The following SLC2A9 variants were observed in gnomAD, a reference collection of about 807,000 sequenced individuals.
SLC2A9 encodes solute carrier family 2, facilitated glucose transporter member 9.
SLC2A9 carries 39 observed loss-of-function variants against 50.6 expected under a neutral mutation model. The ratio of observed to expected loss-of-function variants is 0.77; its 90% CI spans 0.60 to 1.01. The LOEUF is 1.01. Among genes scored for constraint, SLC2A9 ranks in the 50% least tolerant of loss-of-function variants. The probability of loss-of-function intolerance (pLI) is 0.00; values close to 1 mark genes in which losing one functional copy is unlikely to be tolerated. For synonymous variants in SLC2A9, 324 were observed against 276.9 expected (o/e 1.17, Z -1.69); for missense variants, 686 against 677.6 (o/e 1.01, Z -0.14).
intron 10 of SLC2A9, among the ~76,000 whole-genome samples, chr4:9,842,184 G>A (rs1160776361): frequency 1.3e-5 from 2 of 152,070 alleles, no homozygotes; most frequent in African/African-American, 2.4e-5. Context: ...GCAGGAGGAA[G>A]GTTCTGTAAC....
intron 2 of SLC2A9, among the ~76,000 whole-genome samples, chr4:10,000,779 C>T (rs906863596): frequency 6.6e-6 from 1 of 152,154 alleles, no homozygotes; most frequent in Non-Finnish European, 1.5e-5. Flanking sequence ...GAATGGGACC[C>T]ATCAGCCTGT....
downstream of SLC2A9, chr4:9,771,114 GT>G (rs1716763754): frequency 5.7e-6 from 1 of 176,116 alleles, no homozygotes; most frequent in South Asian, 2.0e-4. Context: ...AATCTGGATG[GT>G]TTGTGGATAT....
chr4:10,039,144 A>G (rs1435184846), intron 1 of SLC2A9, among the ~76,000 whole-genome samples: 2 of 152,254 alleles, frequency 1.3e-5, no homozygotes, highest in Non-Finnish European at 2.9e-5. Context: ...CTCCGACTTC[A>G]TGCTTGTTGC....
intron 10 of SLC2A9, among the ~76,000 whole-genome samples, chr4:9,853,935 G>A (rs576577808): frequency 6.6e-6 from 1 of 152,014 alleles, no homozygotes; most frequent in African/African-American, 2.4e-5. Flanking sequence ...TAAAGAAATT[G>A]ATTGAAATTA....
At chr4:9,968,941 T>C (rs762859437) in intron 5 of SLC2A9, among the ~76,000 whole-genome samples, 24 of 152,184 alleles carry the variant, frequency 1.6e-4, no homozygotes, top group Non-Finnish European at 2.8e-4. Flanking sequence ...ATTATCACTC[T>C]AATTAAATAA....
chr4:9,841,928 G>A lies in SLC2A9; in HGVS notation c.1292-6920C>T, dbSNP rs73804738. On this transcript the variant is annotated intron_variant, in intron 10 of 11. Coordinates refer to ENST00000264784, the MANE Select transcript of SLC2A9 (RefSeq NM_020041.3). ...CACTCTGTCTCCCCCATAAAATCAA[G>A]GTGGTAGCAAGAGTTCTTAGGGTTC... Among the ~76,000 whole-genome samples, 583 of 152,248 alleles carry A rather than the reference G, an allele frequency of 3.8e-3. 7 individuals carry two copies. Among genetic ancestry groups the A allele is most frequent in the African/African-American group, 0.014 (567 of 41,538 alleles).
downstream of SLC2A9, among the ~76,000 whole-genome samples, chr4:9,777,072 TATTTATAGC>T (rs1325682539): frequency 2.6e-5 from 4 of 152,244 alleles, no homozygotes; most frequent in Non-Finnish European, 4.4e-5. Context: ...TGTTTGATTT[TATTTATAGC>T]ATTTAGCACT....
intron 3 of SLC2A9, among the ~76,000 whole-genome samples, chr4:9,803,480 C>A (rs1001205666): frequency 2.0e-5 from 3 of 152,186 alleles, no homozygotes; most frequent in African/African-American, 4.8e-5. Context: ...GCTCAAAGAA[C>A]TTATGTCACT....
intron 11 of SLC2A9, among the ~76,000 whole-genome samples, chr4:9,832,919 C>T (rs1415033088): frequency 1.3e-5 from 2 of 152,008 alleles, no homozygotes; most frequent in Admixed American, 1.3e-4. Context: ...CTTTCACACC[C>T]CACACCCCTG....
chr4:9,829,785 G>C (rs759023382), intron 11 of SLC2A9, among the ~76,000 whole-genome samples: 5 of 152,166 alleles, frequency 3.3e-5, no homozygotes, highest in Non-Finnish European at 7.3e-5. Flanking sequence ...CTGATCATTA[G>C]AGAAAGGCAA....
At chr4:9,910,829 G>T (rs937118531) in intron 7 of SLC2A9, among the ~76,000 whole-genome samples, 1 of 152,190 alleles carries the variant, frequency 6.6e-6, no homozygotes, top group Non-Finnish European at 1.5e-5. Flanking sequence ...TTCAGTGAGG[G>T]ACAGTTATAA....
intron 2 of SLC2A9, among the ~76,000 whole-genome samples, chr4:9,999,467 C>T (rs1431519631): frequency 6.6e-6 from 1 of 151,932 alleles, no homozygotes; most frequent in African/African-American, 2.4e-5. Context: ...ATACATGCTG[C>T]CATTTAACAT....
intron 2 of SLC2A9, among the ~76,000 whole-genome samples, chr4:9,997,695 G>A (rs746680038): frequency 6.6e-6 from 1 of 151,068 alleles, no homozygotes; most frequent in Non-Finnish European, 1.5e-5. Context: ...GTGACACCCT[G>A]TCTCAAAAGA....
At chr4:9,940,374 GA>G (rs1229681284) in intron 6 of SLC2A9, among the ~76,000 whole-genome samples, 1 of 152,200 alleles carries the variant, frequency 6.6e-6, no homozygotes, top group Non-Finnish European at 1.5e-5. Context: ...CTCTGTGCAC[GA>G]GGGGTGTTGG....
At position 9,850,672 on chromosome 4, in the gene SLC2A9, C is replaced by A. The variant is rs369673046; in HGVS notation, c.1292-15664G>T. ...CAGCTCACCCACAGCCTCCCCTCACCGCAGCCTCCCTTCACTGGTGCACAC... is the reference window on the plus strand; with the variant it reads ...CAGCTCACCCACAGCCTCCCCTCACAGCAGCCTCCCTTCACTGGTGCACAC... On this transcript the variant is annotated intron_variant, in intron 10 of 11. Transcript: ENST00000264784. 5.3e-5 allele frequency among the ~76,000 whole-genome samples: 8 copies of A among 152,254 alleles called. No individual in the cohort carries two copies. In the East Asian group the frequency reaches 9.7e-4, roughly 18 times the overall value.
chr4:9,927,081 G>T (rs970724490), intron 6 of SLC2A9, among the ~76,000 whole-genome samples: 2 of 148,200 alleles, frequency 1.3e-5, no homozygotes, highest in African/African-American at 5.0e-5. Context: ...CCAGACTGCA[G>T]TTCAGTGATG....
At chr4:9,995,705 C>G (rs1387999775) in intron 3 of SLC2A9, 6 of 152,228 alleles carry the variant, frequency 3.9e-5, no homozygotes, top group Admixed American at 3.9e-4. Context: ...TATTCAGCTA[C>G]AACTCATGGC....
intron 5 of SLC2A9, among the ~76,000 whole-genome samples, chr4:9,948,433 C>G (rs565614714): frequency 6.6e-6 from 1 of 152,352 alleles, no homozygotes; most frequent in Admixed American, 6.5e-5. Flanking sequence ...GGGCTTCCCC[C>G]ACACCTGCGT....
At chr4:9,982,052 T>C (rs1755973117) in intron 4 of SLC2A9, among the ~76,000 whole-genome samples, 1 of 152,144 alleles carries the variant, frequency 6.6e-6, no homozygotes, top group Non-Finnish European at 1.5e-5. Context: ...CAGCTAATTT[T>C]TGTATTTTTA....
Sources: allele counts gnomAD v4.1 joint callset (sites outside exome capture counted in the v4.1 genomes callset), GRCh38; gene constraint gnomAD v4.1.1; transcripts MANE v1.5; gene names NCBI Gene and HGNC (gene_info 2026-07-23, HGNC 2026-07-21).